Variants in UNC5C observed in about 807,000 individuals in gnomAD.
The protein encoded by UNC5C is netrin receptor UNC5C.
A neutral mutation model predicts 99.8 loss-of-function variants in UNC5C; 47 were observed. The ratio of observed to expected loss-of-function variants is 0.47; its 90% CI spans 0.37 to 0.60. UNC5C has a LOEUF of 0.60. Among genes scored for constraint, UNC5C ranks in the 20% least tolerant of loss-of-function variants. The pLI, the probability that UNC5C is intolerant of heterozygous loss-of-function variation, is 0.00. For missense variants in UNC5C, 1,062 were observed against 1,165.9 expected (o/e 0.91, Z 1.30); for synonymous variants, 487 against 452.2 (o/e 1.08, Z -0.98).
At chr4:95,214,047 G>A (rs1283502507) in intron 10 of UNC5C, among the ~76,000 whole-genome samples, 1 of 152,168 alleles carries the variant, frequency 6.6e-6, no homozygotes, top group African/African-American at 2.4e-5. Flanking sequence ...TCTTTAAAGT[G>A]GAGCTCATCA....
In UNC5C at chr4:95,356,210, A is replaced by C. The variant is rs1451569585; in HGVS notation, c.125-20579T>G. On this transcript the variant is annotated intron_variant, in intron 1 of 15. Transcript: ENST00000453304. ...CCCTGTAGCAAAAAAAAAAAAAAAA[A>C]AACAAAACAAAAAAAAAACAGATTC... Among the ~76,000 whole-genome samples the C allele has an allele frequency of 2.7e-3, 268 of 98,210 alleles. 6 individuals are homozygous for C. Among genetic ancestry groups the C allele is most frequent in the African/African-American group, 9.7e-3 (242 of 24,996 alleles). The allele number at this position is 98,210 out of a possible 152,430, so 64.4% of individuals were successfully genotyped here. A position where few individuals can be genotyped will look rare whatever the true frequency, so the allele number is the denominator to read the frequency against.
At chr4:95,309,362 A>G (rs1382686114) in intron 2 of UNC5C, among the ~76,000 whole-genome samples, 2 of 152,154 alleles carry the variant, frequency 1.3e-5, no homozygotes, top group African/African-American at 2.4e-5. Context: ...GCTCCTTGAC[A>G]TTAGTTTGGG....
intron 7 of UNC5C, among the ~76,000 whole-genome samples, chr4:95,235,218 A>C (rs1259750787): frequency 6.6e-6 from 1 of 152,196 alleles, no homozygotes; most frequent in Admixed American, 6.5e-5. Context: ...TGCTTCCAAG[A>C]CCATGCTGTG....
intron 1 of UNC5C, among the ~76,000 whole-genome samples, chr4:95,437,613 G>T (rs918669623): frequency 6.6e-6 from 1 of 151,932 alleles, no homozygotes. Flanking sequence ...GAAAATTTTT[G>T]ACTATCAGAC....
rs569255205 is a variant in UNC5C at position 95,201,167 on chromosome 4, G to A, written c.2136+1564C>T. ...GTTTGTTGTTTATGCCACCCAGTCC[G>A]TGGTACTTTGTCAGAGCTGCCCAAA... On this transcript the variant is annotated intron_variant, in intron 12 of 15. Transcript: ENST00000453304. Among the ~76,000 whole-genome samples the A allele has an allele frequency of 4.5e-4, 69 of 152,256 alleles. 2 individuals carry two copies. In the South Asian group the frequency reaches 8.5e-3, roughly 19 times the overall value.
intron 5 of UNC5C, among the ~76,000 whole-genome samples, chr4:95,250,110 C>T (rs527783267): frequency 6.6e-6 from 1 of 152,150 alleles, no homozygotes; most frequent in South Asian, 2.1e-4. Context: ...TAGAAGCTGA[C>T]TGAGAAAGGG....
At chr4:95,343,852 G>A (rs910683636) in intron 1 of UNC5C, among the ~76,000 whole-genome samples, 2 of 152,094 alleles carry the variant, frequency 1.3e-5, no homozygotes, top group Non-Finnish European at 1.5e-5. Flanking sequence ...GAAAGAACTA[G>A]TAAGCTTGAA....
At chr4:95,180,368 C>G (rs1181539490) in intron 14 of UNC5C, among the ~76,000 whole-genome samples, 1 of 152,178 alleles carries the variant, frequency 6.6e-6, no homozygotes, top group Non-Finnish European at 1.5e-5. Flanking sequence ...ACCATGTTTT[C>G]TTTTCTTTTG....
intron 2 of UNC5C, among the ~76,000 whole-genome samples, chr4:95,317,303 G>T (rs1742512541): frequency 6.6e-6 from 1 of 152,168 alleles, no homozygotes; most frequent in African/African-American, 2.4e-5. Context: ...GCACTTGCTA[G>T]GAGAAGCTGA....
chr4:95,483,211 C>T (rs1430450505), intron 1 of UNC5C, among the ~76,000 whole-genome samples: 1 of 151,634 alleles, frequency 6.6e-6, no homozygotes, highest in African/African-American at 2.4e-5. Context: ...CTCACACCAG[C>T]AAATAATTCA....
At chr4:95,293,245 G>C (rs559743468) in intron 3 of UNC5C, among the ~76,000 whole-genome samples, 1 of 151,246 alleles carries the variant, frequency 6.6e-6, no homozygotes, top group Non-Finnish European at 1.5e-5. Context: ...TAAGAAGAGA[G>C]GCAGGAAGCC....
chr4:95,235,778 A>T (rs1739088302), intron 7 of UNC5C, among the ~76,000 whole-genome samples: 1 of 152,208 alleles, frequency 6.6e-6, no homozygotes, highest in Non-Finnish European at 1.5e-5. Context: ...TGGGCAAAGG[A>T]TATGAACAGA....
chr4:95,451,319 A>G (rs779368282), intron 1 of UNC5C, among the ~76,000 whole-genome samples: 5 of 152,206 alleles, frequency 3.3e-5, no homozygotes, highest in Non-Finnish European at 5.9e-5. Flanking sequence ...CAGCTTAGTA[A>G]AGTGATATTC....
intron 3 of UNC5C, among the ~76,000 whole-genome samples, chr4:95,285,105 A>AAATGATTTACATTTATT (rs1234003376): frequency 1.3e-5 from 2 of 152,350 alleles, no homozygotes; most frequent in African/African-American, 4.8e-5. Context: ...TCTAATTTAA[A>AAATGATTTACATTTATT]AATGATTTAC....
intron 7 of UNC5C, among the ~76,000 whole-genome samples, chr4:95,235,004 G>T (rs1454138779): frequency 6.6e-6 from 1 of 152,126 alleles, no homozygotes; most frequent in African/African-American, 2.4e-5. Flanking sequence ...ATAGGCAACT[G>T]GGAAATAATG....
chr4:95,388,557 C>T (rs369832475), intron 1 of UNC5C, among the ~76,000 whole-genome samples: 77 of 152,262 alleles, frequency 5.1e-4, no homozygotes, highest in African/African-American at 1.7e-3. Context: ...ACAATGGTCA[C>T]GTACAGTATT....
intron 14 of UNC5C, among the ~76,000 whole-genome samples, chr4:95,178,008 C>T (rs1736441326): frequency 6.6e-6 from 1 of 152,070 alleles, no homozygotes; most frequent in Admixed American, 6.6e-5. Flanking sequence ...ATACCTGGCC[C>T]AGTGAGGGAT....
chr4:95,536,816 G>A (rs902232370), intron 1 of UNC5C, among the ~76,000 whole-genome samples: 1 of 152,106 alleles, frequency 6.6e-6, no homozygotes, highest in African/African-American at 2.4e-5. Flanking sequence ...TGCTAAAGAC[G>A]AGATTATTCA....
intron 4 of UNC5C, among the ~76,000 whole-genome samples, chr4:95,254,701 G>A (rs1331382069): frequency 2.0e-5 from 3 of 152,146 alleles, no homozygotes; most frequent in Non-Finnish European, 4.4e-5. Context: ...GCATGATTTA[G>A]CTCTTGTCCT....
Sources: allele counts gnomAD v4.1 joint callset (sites outside exome capture counted in the v4.1 genomes callset), GRCh38; gene constraint gnomAD v4.1.1; transcripts MANE v1.5; gene names NCBI Gene and HGNC (gene_info 2026-07-23, HGNC 2026-07-21).